Variants in SOX5 observed in about 807,000 individuals in gnomAD.
SOX5 encodes SRY-box transcription factor 5.
Under a neutral mutation model 92.0 loss-of-function variants are expected in SOX5, and 9 were observed. That is an observed-to-expected ratio of 0.10 (90% CI 0.06 to 0.17). The LOEUF (loss-of-function observed/expected upper bound fraction) is 0.17. Among genes scored for constraint, SOX5 ranks in the 10% least tolerant of loss-of-function variants. The pLI is 1.00. For synonymous variants in SOX5, 344 were observed against 336.3 expected (o/e 1.02, Z -0.25); for missense variants, 642 against 944.5 (o/e 0.68, Z 4.20).
At chr12:23,692,562 T>G (rs1050845514) in intron 6 of SOX5, among the ~76,000 whole-genome samples, 23 of 152,354 alleles carry the variant, frequency 1.5e-4, no homozygotes, top group Admixed American at 1.4e-3. Flanking sequence ...GGTTTATGAC[T>G]TAAAATATAA....
At chr12:23,796,955 G>A (rs1177115160) in intron 3 of SOX5, among the ~76,000 whole-genome samples, 2 of 144,918 alleles carry the variant, frequency 1.4e-5, no homozygotes, top group African/African-American at 2.6e-5. Flanking sequence ...TCTGCTCCAC[G>A]CTACTGCACA....
At chr12:24,462,974 T>C (rs1440374538) in intron 1 of SOX5, among the ~76,000 whole-genome samples, 2 of 152,138 alleles carry the variant, frequency 1.3e-5, no homozygotes, top group Non-Finnish European at 2.9e-5. Flanking sequence ...TCCTAGCACT[T>C]TGGGAGGCCA....
At chr12:24,352,471 T>C (rs1464823051) in intron 2 of SOX5, among the ~76,000 whole-genome samples, 2 of 152,192 alleles carry the variant, frequency 1.3e-5, no homozygotes, top group Non-Finnish European at 2.9e-5. Flanking sequence ...CCTTCCTCTC[T>C]AGAACAAATG....
chr12:23,583,034 T>C (rs1220127358), intron 9 of SOX5, among the ~76,000 whole-genome samples: 1 of 152,210 alleles, frequency 6.6e-6, no homozygotes, highest in East Asian at 1.9e-4. Flanking sequence ...AGCACACACA[T>C]ATATTTGAAA....
intron 2 of SOX5, among the ~76,000 whole-genome samples, chr12:24,295,387 C>A (rs2140554377): frequency 6.6e-6 from 1 of 152,250 alleles, no homozygotes; most frequent in South Asian, 2.1e-4. Flanking sequence ...AGAAACAATG[C>A]ATGTACTGGC....
chr12:24,359,158 A>G (rs1338935464), intron 2 of SOX5, among the ~76,000 whole-genome samples: 1 of 152,224 alleles, frequency 6.6e-6, no homozygotes, highest in Non-Finnish European at 1.5e-5. Flanking sequence ...TCTTGGTAGT[A>G]GGGACAACTT....
intron 2 of SOX5, among the ~76,000 whole-genome samples, chr12:24,337,344 T>TC (rs1275000177): frequency 6.6e-6 from 1 of 151,674 alleles, no homozygotes; most frequent in African/African-American, 2.4e-5. Flanking sequence ...ATTTTTCTTT[T>TC]TTTTTTTTTT....
At chr12:23,713,476 A>G (rs765320248) in intron 6 of SOX5, among the ~76,000 whole-genome samples, 4 of 152,130 alleles carry the variant, frequency 2.6e-5, no homozygotes, top group Non-Finnish European at 4.4e-5. Context: ...AAGTGTGTAG[A>G]ATTTCCTGCA....
chr12:24,509,153 T>C (rs1949075192), intron 1 of SOX5, among the ~76,000 whole-genome samples: 1 of 152,242 alleles, frequency 6.6e-6, no homozygotes, highest in Non-Finnish European at 1.5e-5. Flanking sequence ...TTAACCTTTC[T>C]ATTCTTTCCT....
At chr12:23,964,749 T>G (rs1054379858) in intron 4 of SOX5, among the ~76,000 whole-genome samples, 1 of 152,222 alleles carries the variant, frequency 6.6e-6, no homozygotes, top group Non-Finnish European at 1.5e-5. Context: ...TTTATTAGAT[T>G]ATTTTAAATA....
At chr12:23,641,743 G>A (rs1159817609) in intron 7 of SOX5, among the ~76,000 whole-genome samples, 1 of 152,072 alleles carries the variant, frequency 6.6e-6, no homozygotes, top group African/African-American at 2.4e-5. Context: ...AGAAATATAA[G>A]TAATGTACAT....
At chr12:24,225,751 C>T (rs866972070) in intron 3 of SOX5, among the ~76,000 whole-genome samples, 15 of 152,148 alleles carry the variant, frequency 9.9e-5, no homozygotes, top group African/African-American at 3.6e-4. Context: ...GACTTACAAA[C>T]TGGCAAATAA....
At chr12:24,069,653 A>G (rs965715244) in intron 4 of SOX5, among the ~76,000 whole-genome samples, 1 of 152,208 alleles carries the variant, frequency 6.6e-6, no homozygotes, top group African/African-American at 2.4e-5. Context: ...ATTAGTTCAG[A>G]GAACTAAAAC....
At chr12:23,779,981 G>GTGTGTGTT (rs1555337550) in intron 3 of SOX5, among the ~76,000 whole-genome samples, 1 of 149,278 alleles carries the variant, frequency 6.7e-6, no homozygotes, top group Non-Finnish European at 1.5e-5. Context: ...GTGTGTGTGT[G>GTGTGTGTT]TGTGTGTGTA....
rs1276754818 is a variant in SOX5, at chr12:24,309,736, T to C, written c.-173-32424A>G. Among the ~76,000 whole-genome samples, 4 of 152,228 alleles carry C rather than the reference T, an allele frequency of 2.6e-5. No individual in the cohort carries two copies. In the East Asian group the frequency reaches 7.7e-4, roughly 29 times the overall value. ...TATGAAAAGTAAAAACAAAAATCCA[T>C]TTTACAAAGTAACAGGAAAACTGGA... is the stretch of plus-strand genomic sequence containing the variant. On this transcript the variant is annotated intron_variant, in intron 2 of 4. Transcript: ENST00000446891.
At chr12:24,556,108 C>T (rs1023079687) in intron 1 of SOX5, among the ~76,000 whole-genome samples, 1 of 152,176 alleles carries the variant, frequency 6.6e-6, no homozygotes, top group Admixed American at 6.5e-5. Context: ...CTTCCCTTGC[C>T]CCTCTCCTTG....
At chr12:23,962,943 G>T (rs553342045) in intron 4 of SOX5, among the ~76,000 whole-genome samples, 2 of 152,070 alleles carry the variant, frequency 1.3e-5, no homozygotes, top group South Asian at 4.2e-4. Context: ...TTCACTAAAA[G>T]AAAATGTAAT....
intron 1 of SOX5, among the ~76,000 whole-genome samples, chr12:24,548,138 G>A (rs1005423495): frequency 1.3e-5 from 2 of 152,246 alleles, no homozygotes; most frequent in Middle Eastern, 6.8e-3. Context: ...ATCAGACTCA[G>A]AGGGCTCAAG....
chr12:23,901,469 T>C (rs1367191660), intron 1 of SOX5, among the ~76,000 whole-genome samples: 2 of 152,218 alleles, frequency 1.3e-5, no homozygotes, highest in African/African-American at 4.8e-5. Context: ...GTTTTCATAG[T>C]TGATATTTTA....
Sources: gnomAD v4.1 joint callset for allele counts (sites outside exome capture counted in the v4.1 genomes callset) on GRCh38, gnomAD v4.1.1 for gene constraint, MANE v1.5 for transcripts, NCBI Gene and HGNC (gene_info 2026-07-23, HGNC 2026-07-21) for gene names.